Variants in TSC22D3 observed in about 807,000 individuals in gnomAD.
TSC22D3 encodes the protein TSC22 domain family protein 3.
In TSC22D3, 4 loss-of-function variants were observed where a neutral mutation model predicts 11.1. The observed-to-expected ratio is 0.36, with a 90% CI of 0.18 to 0.83. TSC22D3 has a LOEUF of 0.83. Among genes scored for constraint, TSC22D3 ranks in the 40% least tolerant of loss-of-function variants. The pLI, the probability that TSC22D3 is intolerant of heterozygous loss-of-function variation, is 0.48. For missense variants in TSC22D3, 118 were observed against 159.4 expected, an observed-to-expected ratio of 0.74 and a Z score of 1.40; for synonymous variants, 77 against 70.3, an observed-to-expected ratio of 1.10 and a Z score of -0.48.
rs191114659 is a variant in TSC22D3 at position 107,768,422 on chromosome X, C to T, written c.320+6678G>A. 3.5e-3 allele frequency among the ~76,000 whole-genome samples: 396 copies of T among 112,503 alleles called. 1 individual carries two copies. The highest frequency in any genetic ancestry group is 0.012 in the African/African-American group (364 of 30,995). ...GTGCAAATATAAGCAGGAGTGTTAA[C>T]CTTCTCTTCAGGCAGGGAAGAAAAC... On this transcript the variant is annotated intron_variant, in intron 1 of 2. Coordinates refer to ENST00000372383, the MANE Select transcript of TSC22D3 (RefSeq NM_198057.3).
intron 1 of TSC22D3, among the ~76,000 whole-genome samples, chrX:107,756,884 C>T (rs145291863): frequency 0.017 from 1,938 of 112,558 alleles, 41 homozygotes; most frequent in African/African-American, 0.059. Context: ...CAGTAACCTG[C>T]CTGTCCACGC....
At chrX:107,743,095 C>T (rs938681369) in intron 1 of TSC22D3, among the ~76,000 whole-genome samples, 3 of 112,566 alleles carry the variant, frequency 2.7e-5, no homozygotes, top group African/African-American at 9.7e-5. Context: ...CCGTCTGACC[C>T]GCTGCCCCAC....
chrX:107,717,060 C>T, intron 1 of TSC22D3: 8 of 966,244 alleles, frequency 8.3e-6, no homozygotes, highest in Non-Finnish European at 9.1e-6. Flanking sequence ...CCAACCCAGA[C>T]TCGGAGATAT....
chrX:107,714,605 C>G lies in TSC22D3; in HGVS notation c.517G>C (p.Glu173Gln). The G allele has an allele frequency of 8.3e-7, 1 of 1,211,622 alleles. No individual in the cohort carries two copies. The highest frequency in any genetic ancestry group is 1.1e-6 in the Non-Finnish European group (1 of 895,488). The change falls in exon 3 of 3, where the codon GAG becomes CAG. Residue 173 changes from glutamate (E) to glutamine (Q), a missense_variant. Coordinates refer to ENST00000372383, the MANE Select transcript of TSC22D3 (RefSeq NM_198057.3). ...LKTLASPEQL[E>Q]KFQSCLSPEE... ...GGGCTCAGACAGGACTGGAACTTCT[C>G]CAGCTGCTCTGGGCTTGCCAGGGTC...
At chrX:107,772,838 G>A (rs1057115331) in intron 1 of TSC22D3, among the ~76,000 whole-genome samples, 2 of 111,577 alleles carry the variant, frequency 1.8e-5, no homozygotes, top group Admixed American at 9.5e-5. Context: ...GTGACAGAGT[G>A]AGACCCTGTC....
At chrX:107,732,902 A>T (rs1485858770) in intron 1 of TSC22D3, among the ~76,000 whole-genome samples, 2 of 110,777 alleles carry the variant, frequency 1.8e-5, no homozygotes, top group Middle Eastern at 9.3e-3. Context: ...GTTCGAGACC[A>T]GCCTGGGCAA....
At chrX:107,748,022 A>T (rs925128180) in intron 1 of TSC22D3, among the ~76,000 whole-genome samples, 4 of 112,037 alleles carry the variant, frequency 3.6e-5, no homozygotes, top group Admixed American at 2.8e-4. Context: ...TCCAAGGTCC[A>T]GGCCACAGCA....
rs531080647 is a variant in TSC22D3, at chrX:107,740,912, C to T, written c.321-24962G>A. Among the ~76,000 whole-genome samples, 62 of 109,759 alleles carry T rather than the reference C, an allele frequency of 5.6e-4. 1 individual carries two copies. The highest frequency in any genetic ancestry group is 1.9e-3 in the African/African-American group (58 of 30,144). On this transcript the variant is annotated intron_variant, in intron 1 of 2. Transcript: ENST00000372383. ...CTTTAAAGTGAGTTTCCCCAGAGTC[C>T]GGGTCACCAGACATTACTTAAGCCC... is the stretch of plus-strand genomic sequence containing the variant.
chrX:107,718,069 T>C (rs1338488383), intron 1 of TSC22D3, among the ~76,000 whole-genome samples: 1 of 111,863 alleles, frequency 8.9e-6, no homozygotes, highest in African/African-American at 3.3e-5. Context: ...GCATTAGAGG[T>C]ACTTCAGGAA....
At chrX:107,716,477 C>G (rs1418910085) in intron 1 of TSC22D3, 12 of 996,113 alleles carry the variant, frequency 1.2e-5, no homozygotes, top group African/African-American at 8.3e-5. Flanking sequence ...CTGGTTTTCA[C>G]GGCGCAGCGG....
chrX:107,719,780 G>A (rs1927235889), intron 1 of TSC22D3, among the ~76,000 whole-genome samples: 4 of 111,602 alleles, frequency 3.6e-5, no homozygotes, highest in Non-Finnish European at 7.5e-5. Flanking sequence ...TACTATTAGA[G>A]AGGTCCAGAG....
chrX:107,745,774 A>G (rs1320849537), intron 1 of TSC22D3, among the ~76,000 whole-genome samples: 1 of 112,173 alleles, frequency 8.9e-6, no homozygotes, highest in South Asian at 3.7e-4. Context: ...TCAGCTCCAA[A>G]CATCCGTTTG....
rs1170456785 is a variant in TSC22D3, at chrX:107,762,846, C to CTT, written c.320+12252_320+12253dup. On this transcript the variant is annotated intron_variant, in intron 1 of 2. Transcript: ENST00000372383. ...AAAAAAAAAAAAACCTGCACATGTA[C>CTT]TTTTTTTTTTTTTTTTTTTTTTTTT... Among the ~76,000 whole-genome samples, 220 of 44,782 alleles carry CTT rather than the reference C, an allele frequency of 4.9e-3. 30 individuals are homozygous for CTT. Among genetic ancestry groups the CTT allele is most frequent in the African/African-American group, 6.8e-3 (83 of 12,283 alleles). The allele number at this position is 44,782 out of a possible 115,157, so 38.9% of individuals were successfully genotyped here.
At chrX:107,751,331 C>T (rs1271211901) in intron 1 of TSC22D3, among the ~76,000 whole-genome samples, 2 of 111,425 alleles carry the variant, frequency 1.8e-5, no homozygotes, top group African/African-American at 3.3e-5. Flanking sequence ...ACTTCCCCTG[C>T]GTAAGCTGTG....
chrX:107,760,077 G>A (rs1419431265), intron 1 of TSC22D3, among the ~76,000 whole-genome samples: 1 of 112,926 alleles, frequency 8.9e-6, no homozygotes, highest in East Asian at 2.8e-4. Context: ...GAGCCCAGAC[G>A]GCGGCTCTGC....
rs779723778 is a variant in TSC22D3 at position 107,775,183 on chromosome X, C to G, written c.237G>C (p.Arg79=). The change falls in exon 1 of 3, where the codon CGG becomes CGC. Residue 79 remains arginine, a synonymous_variant. Coordinates refer to ENST00000372383, the MANE Select transcript of TSC22D3 (RefSeq NM_198057.3). ...MRQDSLEPVL[R]DPCYLINEGI... Reference sequence around the variant, plus strand: ...CCTCGTTGATCAGGTAGCAGGGGTCCCGCAGCACCGGCTCTAGCGAATCCT... The same window carrying G: ...CCTCGTTGATCAGGTAGCAGGGGTCGCGCAGCACCGGCTCTAGCGAATCCT... The G allele has an allele frequency of 2.5e-6, 3 of 1,211,996 alleles. No individual in the cohort carries two copies. The highest frequency in any genetic ancestry group is 3.3e-6 in the Non-Finnish European group (3 of 895,579).
intron 1 of TSC22D3, among the ~76,000 whole-genome samples, chrX:107,744,486 A>G (rs1222970549): frequency 9.0e-6 from 1 of 111,406 alleles, no homozygotes; most frequent in East Asian, 2.8e-4. Context: ...GTTTCAAAAA[A>G]ATAAAAAAAA....
At chrX:107,752,357 A>T (rs1052810765) in intron 1 of TSC22D3, among the ~76,000 whole-genome samples, 3 of 111,937 alleles carry the variant, frequency 2.7e-5, no homozygotes, top group African/African-American at 9.8e-5. Context: ...TAATACAGGG[A>T]CTTTGTGCTG....
At chrX:107,716,305 G>A in intron 1 of TSC22D3, 1 of 928,616 alleles carries the variant, frequency 1.1e-6, no homozygotes, top group Non-Finnish European at 1.3e-6. Context: ...AAGGTCCCAG[G>A]CAAACCTACC....
Sources: allele counts gnomAD v4.1 joint callset (sites outside exome capture counted in the v4.1 genomes callset), GRCh38; gene constraint gnomAD v4.1.1; transcripts MANE v1.5; gene names NCBI Gene and HGNC (gene_info 2026-07-23, HGNC 2026-07-21).